The following NAALADL2 variants were observed in gnomAD, a reference collection of about 807,000 sequenced individuals.
NAALADL2 encodes N-acetylated alpha-linked acidic dipeptidase like 2.
In NAALADL2, 76 loss-of-function variants were observed where a neutral mutation model predicts 87.2. The observed-to-expected ratio is 0.87, with a 90% CI of 0.72 to 1.05. The LOEUF (loss-of-function observed/expected upper bound fraction) is 1.05, where lower values mean the gene tolerates loss of function less well. NAALADL2 is among the 50% of genes least tolerant of loss of function. NAALADL2 has a pLI of 0.00. For synonymous variants in NAALADL2, 354 were observed against 331.0 expected, an observed-to-expected ratio of 1.07 and a Z score of -0.75; for missense variants, 1,089 against 945.8, an observed-to-expected ratio of 1.15 and a Z score of -1.99.
In NAALADL2 at chr3:174,988,475, T is replaced by C. The variant is rs1487861257; in HGVS notation, c.44-108315T>C. ...ATGAACTAAAAGTTTAAAATAATCA[T>C]TCAGCCAATGTATTAGTTTTCTGGT... On this transcript the variant is annotated intron_variant, in intron 1 of 13. Transcript: ENST00000454872. Among the ~76,000 whole-genome samples the C allele has an allele frequency of 2.0e-5, 3 of 152,212 alleles. No individual in the cohort carries two copies. The East Asian group carries it at 5.8e-4, about 29-fold the overall frequency.
chr3:175,096,493 GGCGT>G (rs1168956464), intron 1 of NAALADL2, among the ~76,000 whole-genome samples: 18 of 117,948 alleles, frequency 1.5e-4, no homozygotes, highest in African/African-American at 5.8e-4. Flanking sequence ...AGATTAATGG[GGCGT>G]GTGTGTGTGT....
chr3:175,321,227 G>A (rs1259445891), intron 4 of NAALADL2, among the ~76,000 whole-genome samples: 1 of 146,354 alleles, frequency 6.8e-6, no homozygotes, highest in African/African-American at 2.5e-5. Context: ...CAGTGCCAAA[G>A]ACAAAAACCA....
chr3:175,232,237 G>GAAGAAGAGGAAGAGGAAGAAGA (rs1553824036), intron 2 of NAALADL2, among the ~76,000 whole-genome samples: 307 of 149,454 alleles, frequency 2.1e-3, no homozygotes, highest in African/African-American at 7.5e-3. Context: ...AGAGGAAGAG[G>GAAGAAGAGGAAGAGGAAGAAGA]AAGAAGAAAG....
In NAALADL2 at chr3:175,228,190, C is replaced by A. The variant is rs185143931; in HGVS notation, c.546-5741C>A. ...GTGTAGGAGATTTGAATAATCTAATCTCTAATTGGTGAGATAATGTGCCAA... is the reference window on the plus strand; with the variant it reads ...GTGTAGGAGATTTGAATAATCTAATATCTAATTGGTGAGATAATGTGCCAA... On this transcript the variant is annotated intron_variant, in intron 2 of 13. Transcript: ENST00000454872. Among the ~76,000 whole-genome samples the A allele has an allele frequency of 2.6e-5, 4 of 152,004 alleles. No homozygotes were observed. In the East Asian group the frequency reaches 7.7e-4, roughly 29 times the overall value.
intron 1 of NAALADL2, among the ~76,000 whole-genome samples, chr3:174,489,932 G>C (rs1718079215): frequency 6.6e-6 from 1 of 152,090 alleles, no homozygotes; most frequent in African/African-American, 2.4e-5. Context: ...AGAGAAATGG[G>C]AACGCTTCTA....
intron 3 of NAALADL2, among the ~76,000 whole-genome samples, chr3:175,241,518 G>A (rs186966747): frequency 6.6e-6 from 1 of 152,270 alleles, no homozygotes; most frequent in African/African-American, 2.4e-5. Context: ...ACTGTACTCA[G>A]CCCTTAATTA....
intron 4 of NAALADL2, among the ~76,000 whole-genome samples, chr3:175,309,302 C>T (rs1160282998): frequency 6.6e-6 from 1 of 152,102 alleles, no homozygotes; most frequent in African/African-American, 2.4e-5. Flanking sequence ...TCTCCTCCCT[C>T]AGCCTCCTGA....
chr3:175,666,585 A>AT (rs1733030678), intron 11 of NAALADL2, among the ~76,000 whole-genome samples: 1 of 152,282 alleles, frequency 6.6e-6, no homozygotes, highest in African/African-American at 2.4e-5. Context: ...TAAACAAAAA[A>AT]TATCATTATT....
At chr3:175,655,493 A>T (rs1448253442) in intron 11 of NAALADL2, 1 of 393,034 alleles carries the variant, frequency 2.5e-6, no homozygotes, top group African/African-American at 2.1e-5. Context: ...AAGAACACAC[A>T]TGCTTTCATA....
At chr3:174,687,156 T>G (rs991856606) in intron 2 of NAALADL2, among the ~76,000 whole-genome samples, 3 of 152,112 alleles carry the variant, frequency 2.0e-5, no homozygotes, top group Non-Finnish European at 4.4e-5. Context: ...CTCATTTCTT[T>G]ATCACAAACT....
chr3:175,427,103 A>G (rs1423818103), intron 5 of NAALADL2, among the ~76,000 whole-genome samples: 3 of 152,214 alleles, frequency 2.0e-5, no homozygotes, highest in African/African-American at 7.2e-5. Context: ...CTCAACAAAA[A>G]GTGTGACCGG....
At chr3:175,738,075 C>T (rs1400635109) in intron 12 of NAALADL2, among the ~76,000 whole-genome samples, 1 of 151,826 alleles carries the variant, frequency 6.6e-6, no homozygotes, top group Non-Finnish European at 1.5e-5. Context: ...AAGATTTCAC[C>T]CTCCTCCTCT....
rs2149167848 is a variant in NAALADL2, at chr3:175,432,806, A to G, written c.1091-14423A>G. On this transcript the variant is annotated intron_variant, in intron 5 of 13. Transcript: ENST00000454872. ...CCATGAAGAGACAAAAATCTTGCTC[A>G]ATGGAGCCGGACTTTGACATGCTGA... Among the ~76,000 whole-genome samples, 3 of 152,202 alleles carry G rather than the reference A, an allele frequency of 2.0e-5. 1 individual carries two copies. The South Asian group carries it at 6.2e-4, about 32-fold the overall frequency.
intron 11 of NAALADL2, among the ~76,000 whole-genome samples, chr3:175,685,287 C>T (rs1378335090): frequency 6.6e-6 from 1 of 152,066 alleles, no homozygotes; most frequent in Non-Finnish European, 1.5e-5. Context: ...GCATCAAGTC[C>T]AATTGTAATC....
intron 9 of NAALADL2, among the ~76,000 whole-genome samples, chr3:175,494,299 G>A (rs941544010): frequency 6.6e-6 from 1 of 151,832 alleles, no homozygotes; most frequent in Non-Finnish European, 1.5e-5. Context: ...TAATTTTTCT[G>A]TTACAATATG....
chr3:175,262,490 T>TA (rs1751214106), intron 4 of NAALADL2, among the ~76,000 whole-genome samples: 1 of 151,940 alleles, frequency 6.6e-6, no homozygotes, highest in African/African-American at 2.4e-5. Context: ...ATTTAATTAG[T>TA]TAGCCTTAAA....
At chr3:175,667,551 T>C (rs1733364451) in intron 11 of NAALADL2, among the ~76,000 whole-genome samples, 1 of 152,172 alleles carries the variant, frequency 6.6e-6, no homozygotes, top group African/African-American at 2.4e-5. Flanking sequence ...ACTATTTTTA[T>C]TGATGCTGGC....
chr3:175,010,732 C>A (rs1749668508), intron 1 of NAALADL2, among the ~76,000 whole-genome samples: 1 of 152,098 alleles, frequency 6.6e-6, no homozygotes, highest in Non-Finnish European at 1.5e-5. Flanking sequence ...CTTCCATTGG[C>A]ATCCTTTATC....
intron 1 of NAALADL2, among the ~76,000 whole-genome samples, chr3:175,039,140 A>G (rs1753755415): frequency 6.6e-6 from 1 of 152,110 alleles, no homozygotes; most frequent in Non-Finnish European, 1.5e-5. Context: ...TTTATTTTTT[A>G]TAAAGTTTCA....
Sources: gnomAD v4.1 joint callset for allele counts (sites outside exome capture counted in the v4.1 genomes callset) on GRCh38, gnomAD v4.1.1 for gene constraint, MANE v1.5 for transcripts, NCBI Gene and HGNC (gene_info 2026-07-23, HGNC 2026-07-21) for gene names.